Variants in SOS2 observed in about 807,000 individuals in gnomAD.
The protein encoded by SOS2 is SOS Ras/Rho guanine nucleotide exchange factor 2.
Under a neutral mutation model 148.2 loss-of-function variants are expected in SOS2, and 65 were observed. That is an observed-to-expected ratio of 0.44 (90% CI 0.36 to 0.54). The LOEUF (loss-of-function observed/expected upper bound fraction) is 0.54. Among genes scored for constraint, SOS2 ranks in the 20% least tolerant of loss-of-function variants. SOS2 has a pLI of 0.00. For synonymous variants in SOS2, 539 were observed against 537.1 expected (o/e 1.00, Z -0.05); for missense variants, 1,341 against 1,590.2 (o/e 0.84, Z 2.67).
intron 21 of SOS2, among the ~76,000 whole-genome samples, chr14:50,121,529 G>T (rs1440137815): frequency 9.2e-5 from 1 of 10,818 alleles, no homozygotes; most frequent in Non-Finnish European, 4.8e-4. Context: ...ACTTCCTGGG[G>T]GAGGGGGGGG....
chr14:50,219,482 A>T (rs1887138497), intron 1 of SOS2, among the ~76,000 whole-genome samples: 1 of 152,154 alleles, frequency 6.6e-6, no homozygotes, highest in Non-Finnish European at 1.5e-5. Context: ...TGCAATCGAT[A>T]ATGACAGAAA....
chr14:50,146,134 C>CAA (rs775495958), intron 14 of SOS2, among the ~76,000 whole-genome samples: 12 of 85,126 alleles, frequency 1.4e-4, no homozygotes, highest in African/African-American at 3.9e-4. Context: ...GCTCTGTCTC[C>CAA]AAAAAAAAAA....
rs1566839555 is a variant in SOS2, at chr14:50,178,670, G to GTA, written c.969+1901_969+1902insTA. 6.7e-3 allele frequency among the ~76,000 whole-genome samples: 453 copies of GTA among 67,968 alleles called. 10 individuals carry two copies. Among genetic ancestry groups the GTA allele is most frequent in the South Asian group, 0.037 (79 of 2,114 alleles). The allele number at this position is 67,968 out of a possible 152,430, so 44.6% of individuals were successfully genotyped here. A position where few individuals can be genotyped will look rare whatever the true frequency, so the allele number is the denominator to read the frequency against. ...CTAGTGTGTGTGTGTGTGTGTGTGT[G>GTA]CATATATATATATATATATATATAT... On this transcript the variant is annotated intron_variant, in intron 7 of 22. Coordinates refer to ENST00000216373, the MANE Select transcript of SOS2 (RefSeq NM_006939.4).
intron 3 of SOS2, among the ~76,000 whole-genome samples, chr14:50,200,279 G>A (rs769425187): frequency 2.0e-5 from 3 of 151,134 alleles, no homozygotes; most frequent in Non-Finnish European, 3.0e-5. Flanking sequence ...CAGGCGGGGC[G>A]GGGGGGGCTT....
In SOS2 at chr14:50,188,569, T is replaced by C; in HGVS notation, c.642A>G (p.Leu214=). Residue 214 remains leucine (L), a synonymous_variant, in exon 5 of 23, where the codon CTA becomes CTG. Transcript: ENST00000216373. ...RTEIAEERQY[L]RELNMIIKVF... Reference sequence around the variant, plus strand: ...CTTTTATGATCATATTTAATTCCCGTAGATACTGTCTTTCTTCTGCGATTT... The same window carrying C: ...CTTTTATGATCATATTTAATTCCCGCAGATACTGTCTTTCTTCTGCGATTT... 6.2e-7 allele frequency: 1 copy of C among 1,607,708 alleles called. No homozygotes were observed. The highest frequency in any genetic ancestry group is 8.5e-7 in the Non-Finnish European group (1 of 1,178,098).
chr14:50,190,366 A>G (rs1482675829), intron 4 of SOS2, among the ~76,000 whole-genome samples: 1 of 152,222 alleles, frequency 6.6e-6, no homozygotes, highest in African/African-American at 2.4e-5. Flanking sequence ...TCTGAAAAAC[A>G]TCTACTGATC....
rs1480025323 is a variant in SOS2 at position 50,171,075 on chromosome 14, T to C, written c.1068+3379A>G. Among the ~76,000 whole-genome samples the C allele has an allele frequency of 1.5e-4, 23 of 150,394 alleles. No homozygotes were observed. In the East Asian group the frequency reaches 3.4e-3, roughly 22 times the overall value. On this transcript the variant is annotated intron_variant, in intron 8 of 22. Coordinates refer to ENST00000216373, the MANE Select transcript of SOS2 (RefSeq NM_006939.4). ...GTTGCAGTGAGCCAAGATCGTGCCA[T>C]TGCACTCCAGCCAGGGCAACAAGAG...
chr14:50,194,650 C>G (rs1166013513), intron 4 of SOS2, among the ~76,000 whole-genome samples: 4 of 150,474 alleles, frequency 2.7e-5, no homozygotes, highest in African/African-American at 9.7e-5. Context: ...TGGTGGCAGG[C>G]ACCTGTTATC....
At chr14:50,230,708 G>C (rs1887512581) in intron 1 of SOS2, 1 of 156,078 alleles carries the variant, frequency 6.4e-6, no homozygotes, top group African/African-American at 2.4e-5. Context: ...AGAATATTAT[G>C]ACTCACTGAC....
chr14:50,203,219 T>C (rs1886551395), intron 2 of SOS2, among the ~76,000 whole-genome samples: 1 of 151,932 alleles, frequency 6.6e-6, no homozygotes, highest in Non-Finnish European at 1.5e-5. Flanking sequence ...TTTGAAAATA[T>C]AAAAATTAGC....
intron 22 of SOS2, among the ~76,000 whole-genome samples, chr14:50,119,361 G>A (rs1390350732): frequency 6.6e-6 from 1 of 152,144 alleles, no homozygotes; most frequent in Non-Finnish European, 1.5e-5. Flanking sequence ...AAACTCTGGA[G>A]GTGTGGCTCC....
At chr14:50,201,309 G>C (rs552451405) in intron 2 of SOS2, among the ~76,000 whole-genome samples, 1 of 151,974 alleles carries the variant, frequency 6.6e-6, no homozygotes, top group Non-Finnish European at 1.5e-5. Flanking sequence ...GAGGCAGGTG[G>C]ATCACTTGAG....
chr14:50,206,494 C>G (rs1420452038), intron 1 of SOS2, among the ~76,000 whole-genome samples: 5 of 152,114 alleles, frequency 3.3e-5, no homozygotes, highest in Non-Finnish European at 5.9e-5. Flanking sequence ...AATGTAAATG[C>G]TATGTAATAG....
In SOS2 at chr14:50,178,744, A is replaced by ATT. The variant is rs774367057; in HGVS notation, c.969+1826_969+1827dup. Among the ~76,000 whole-genome samples the ATT allele has an allele frequency of 4.3e-4, 61 of 140,384 alleles. 1 individual carries two copies. Among genetic ancestry groups the ATT allele is most frequent in the East Asian group, 3.1e-3 (15 of 4,868 alleles). The allele number at this position is 140,384 out of a possible 152,430, so 92.1% of individuals were successfully genotyped here. ...TATACACACACATATATATATATAT[A>ATT]TTTTTTGGAGACAGGGTCTTGCTCT... On this transcript the variant is annotated intron_variant, in intron 7 of 22. Coordinates refer to ENST00000216373, the MANE Select transcript of SOS2 (RefSeq NM_006939.4).
At chr14:50,214,964 T>C (rs1369730913) in intron 1 of SOS2, among the ~76,000 whole-genome samples, 1 of 151,380 alleles carries the variant, frequency 6.6e-6, no homozygotes, top group African/African-American at 2.4e-5. Flanking sequence ...GCCTCCCGAG[T>C]AGCTGGGACT....
intron 21 of SOS2, among the ~76,000 whole-genome samples, chr14:50,129,753 C>T (rs895383687): frequency 3.9e-4 from 59 of 152,212 alleles, no homozygotes; most frequent in African/African-American, 1.4e-3. Flanking sequence ...TTCTTCAAGG[C>T]CATACAGCCC....
intron 16 of SOS2, among the ~76,000 whole-genome samples, chr14:50,141,460 G>A (rs996572490): frequency 6.6e-6 from 1 of 151,870 alleles, no homozygotes; most frequent in African/African-American, 2.4e-5. Flanking sequence ...ATAGGAGGCT[G>A]CAGTAAGCTA....
chr14:50,173,296 T>A (rs761208897), intron 8 of SOS2, among the ~76,000 whole-genome samples: 4 of 152,222 alleles, frequency 2.6e-5, no homozygotes, highest in Non-Finnish European at 5.9e-5. Context: ...AATAATTCTA[T>A]GTATACCTTG....
chr14:50,156,963 G>GTA (rs374223259), intron 12 of SOS2, 36 bp downstream of exon 12: 306 of 1,021,400 alleles, frequency 3.0e-4, no homozygotes, highest in South Asian at 1.1e-3. Flanking sequence ...ATATATATGT[G>GTA]TATATATATA....
Sources: gnomAD v4.1 joint callset for allele counts (sites outside exome capture counted in the v4.1 genomes callset) on GRCh38, gnomAD v4.1.1 for gene constraint, MANE v1.5 for transcripts, NCBI Gene and HGNC (gene_info 2026-07-23, HGNC 2026-07-21) for gene names.